The following RAB10 variants were observed in gnomAD, a reference collection of about 807,000 sequenced individuals.
RAB10 encodes the protein ras-related protein Rab-10.
In RAB10, 5 loss-of-function variants were observed where a neutral mutation model predicts 25.7. The observed-to-expected ratio is 0.19, with a 90% CI of 0.10 to 0.41. The LOEUF is 0.41. Ranked by LOEUF, RAB10 falls within the 10% of genes least tolerant of loss-of-function variation. The pLI, the probability that RAB10 is intolerant of heterozygous loss-of-function variation, is 1.00. For synonymous variants in RAB10, 89 were observed against 86.4 expected, an observed-to-expected ratio of 1.03 and a Z score of -0.16; for missense variants, 103 against 245.8, an observed-to-expected ratio of 0.42 and a Z score of 3.89.
chr2:26,095,728 A>C (rs1667198559), intron 1 of RAB10, among the ~76,000 whole-genome samples: 1 of 152,136 alleles, frequency 6.6e-6, no homozygotes, highest in Non-Finnish European at 1.5e-5. Flanking sequence ...CCTGGGCAAC[A>C]TATTGGGACG....
In RAB10 at chr2:26,137,125, T is replaced by C. The variant is rs1264487794; in HGVS notation, c.*2104T>C. 6.5e-6 allele frequency: 1 copy of C among 152,684 alleles called. No individual in the cohort carries two copies. Among genetic ancestry groups the C allele is most frequent in the African/African-American group, 2.4e-5 (1 of 41,474 alleles). The allele number at this position is 152,684 out of a possible 1,614,324, so 9.5% of individuals were successfully genotyped here. A position where few individuals can be genotyped will look rare whatever the true frequency, so the allele number is the denominator to read the frequency against. On this transcript the variant is annotated 3_prime_UTR_variant, in exon 6 of 6. Transcript: ENST00000264710. ...ACAGACTGACAGTTTTGCATAATTA[T>C]AATCGGCATTGTACATAGAAAGGAT... is the stretch of plus-strand genomic sequence containing the variant.
chr2:26,114,737 C>CAAAAAAAAAAAA (rs58252306), intron 3 of RAB10, among the ~76,000 whole-genome samples: 42 of 66,054 alleles, frequency 6.4e-4, no homozygotes, highest in African/African-American at 2.2e-3. Flanking sequence ...CAAAAATATA[C>CAAAAAAAAAAAA]AAAAAAAAAA....
intron 1 of RAB10, among the ~76,000 whole-genome samples, chr2:26,070,018 T>C (rs983297391): frequency 1.3e-5 from 2 of 152,216 alleles, no homozygotes; most frequent in Admixed American, 1.3e-4. Context: ...CCGATACTTT[T>C]GACAATAATC....
At chr2:26,120,780 C>T (rs564522387) in intron 3 of RAB10, among the ~76,000 whole-genome samples, 7 of 152,126 alleles carry the variant, frequency 4.6e-5, no homozygotes, top group Admixed American at 6.5e-5. Context: ...TTAGTAGACA[C>T]GAGGTTTCAC....
intron 1 of RAB10, among the ~76,000 whole-genome samples, chr2:26,044,744 C>T (rs1327033361): frequency 6.6e-6 from 1 of 151,948 alleles, no homozygotes; most frequent in Non-Finnish European, 1.5e-5. Flanking sequence ...CAGGGTTTCG[C>T]CCTGTTGACC....
At chr2:26,037,507 C>T (rs1279567780) in intron 1 of RAB10, among the ~76,000 whole-genome samples, 3 of 151,958 alleles carry the variant, frequency 2.0e-5, no homozygotes, top group Admixed American at 6.6e-5. Context: ...GGCGTGGTGG[C>T]GCATGCTTGT....
chr2:26,096,322 T>C (rs1296887956), intron 1 of RAB10, among the ~76,000 whole-genome samples: 2 of 152,158 alleles, frequency 1.3e-5, no homozygotes, highest in Non-Finnish European at 2.9e-5. Flanking sequence ...TTCAGAATTC[T>C]GATGTAGAAA....
chr2:26,050,825 T>A (rs1219088835), intron 1 of RAB10, among the ~76,000 whole-genome samples: 1 of 152,050 alleles, frequency 6.6e-6, no homozygotes, highest in Non-Finnish European at 1.5e-5. Context: ...TGGGTCTCAT[T>A]TTGTCTCCTG....
intron 1 of RAB10, among the ~76,000 whole-genome samples, chr2:26,074,377 C>T (rs779734202): frequency 2.6e-5 from 4 of 152,126 alleles, no homozygotes; most frequent in South Asian, 2.1e-4. Flanking sequence ...GGCCTAGAAA[C>T]GGTGAGAAGT....
intron 1 of RAB10, among the ~76,000 whole-genome samples, chr2:26,047,722 T>C (rs1166881411): frequency 4.2e-5 from 3 of 71,968 alleles, no homozygotes; most frequent in East Asian, 4.8e-4. Flanking sequence ...ATGCCTGGCC[T>C]GTTTTTTTTT....
intron 1 of RAB10, among the ~76,000 whole-genome samples, chr2:26,063,927 A>T (rs1666462027): frequency 6.6e-6 from 1 of 152,190 alleles, no homozygotes; most frequent in African/African-American, 2.4e-5. Flanking sequence ...CTGCCCAAGC[A>T]GCTGGGACTA....
At chr2:26,104,140 A>G (rs1354162495) in intron 2 of RAB10, among the ~76,000 whole-genome samples, 3 of 152,188 alleles carry the variant, frequency 2.0e-5, no homozygotes, top group East Asian at 3.8e-4. Flanking sequence ...CATGTTGAAC[A>G]TTTTGAGGAA....
At chr2:26,053,875 A>G (rs1666189325) in intron 1 of RAB10, among the ~76,000 whole-genome samples, 3 of 151,610 alleles carry the variant, frequency 2.0e-5, no homozygotes, top group African/African-American at 7.3e-5. Flanking sequence ...GTGTGCCACC[A>G]CGCCCAGCTA....
In RAB10 at chr2:26,055,561, G is replaced by A. The variant is rs149679432; in HGVS notation, c.127+20826G>A. Among the ~76,000 whole-genome samples the A allele has an allele frequency of 5.0e-3, 762 of 152,030 alleles. 6 individuals are homozygous for A. The highest frequency in any genetic ancestry group is 0.017 in the African/African-American group (716 of 41,488). ...CACCACTGCGCCCAGCTAATTTTTTGTATTTTTAGTAGAAACGGGGTTTCA... is the reference window on the plus strand; with the variant it reads ...CACCACTGCGCCCAGCTAATTTTTTATATTTTTAGTAGAAACGGGGTTTCA... On this transcript the variant is annotated intron_variant, in intron 1 of 5. Transcript: ENST00000264710.
chr2:26,055,386 G>A (rs936387145), intron 1 of RAB10, among the ~76,000 whole-genome samples: 3 of 150,908 alleles, frequency 2.0e-5, no homozygotes, highest in African/African-American at 7.3e-5. Flanking sequence ...CACCACACTT[G>A]GCTAATTTTT....
intron 1 of RAB10, among the ~76,000 whole-genome samples, chr2:26,047,723 GTTT>G (rs34517359): frequency 9.3e-6 from 1 of 107,870 alleles, no homozygotes. Flanking sequence ...TGCCTGGCCT[GTTT>G]TTTTTTTTTT....
At chr2:26,112,448 A>G (rs1667593431) in intron 3 of RAB10, among the ~76,000 whole-genome samples, 1 of 152,222 alleles carries the variant, frequency 6.6e-6, no homozygotes, top group South Asian at 2.1e-4. Context: ...ATAACAAAAG[A>G]CAACCCTGTC....
In RAB10 at chr2:26,047,667, C is replaced by T. The variant is rs1574526414; in HGVS notation, c.127+12932C>T. On this transcript the variant is annotated intron_variant, in intron 1 of 5. Transcript: ENST00000264710. ...CCTGACCTCAGGTGATCTGCCTTGCCTGCCTCGGCCTCCCAAAGTGTTGGG... is the reference window on the plus strand; with the variant it reads ...CCTGACCTCAGGTGATCTGCCTTGCTTGCCTCGGCCTCCCAAAGTGTTGGG... Among the ~76,000 whole-genome samples, 8 of 150,714 alleles carry T rather than the reference C, an allele frequency of 5.3e-5. No individual in the cohort carries two copies. The South Asian group carries it at 1.7e-3, about 32-fold the overall frequency.
At chr2:26,124,903 T>A (rs1252600028) in intron 3 of RAB10, among the ~76,000 whole-genome samples, 1 of 152,224 alleles carries the variant, frequency 6.6e-6, no homozygotes, top group African/African-American at 2.4e-5. Flanking sequence ...CATAAAGTTT[T>A]CAAGGTTCAT....
Sources: allele counts gnomAD v4.1 joint callset (sites outside exome capture counted in the v4.1 genomes callset), GRCh38; gene constraint gnomAD v4.1.1; transcripts MANE v1.5; gene names NCBI Gene and HGNC (gene_info 2026-07-23, HGNC 2026-07-21).